ARHGAP23: variants seen among roughly 807,000 people sequenced by gnomAD.
The protein encoded by ARHGAP23 is rho GTPase-activating protein 23.
Under a neutral mutation model 136.3 loss-of-function variants are expected in ARHGAP23, and 34 were observed. The ratio of observed to expected loss-of-function variants is 0.25; its 90% CI spans 0.19 to 0.33. The LOEUF is 0.33. Among genes scored for constraint, ARHGAP23 ranks in the 10% least tolerant of loss-of-function variants. ARHGAP23 has a pLI of 1.00. For missense variants in ARHGAP23, 1,808 were observed against 2,139.0 expected (o/e 0.85, Z 3.05); for synonymous variants, 832 against 920.5 (o/e 0.90, Z 1.74).
intron 1 of ARHGAP23, among the ~76,000 whole-genome samples, chr17:38,422,914 G>C (rs867860354): frequency 6.6e-6 from 1 of 152,302 alleles, no homozygotes; most frequent in Middle Eastern, 3.4e-3. Flanking sequence ...GATGTCTGGG[G>C]CTGTGGCCAG....
At chr17:38,452,433 T>C (rs78107101) in intron 1 of ARHGAP23, 131,723 of 152,098 alleles carry the variant, frequency 0.87, 57,590 homozygotes, top group East Asian at 0.99. Flanking sequence ...CTCAAAAAGG[T>C]CCAACCCTTA....
At chr17:38,500,953 G>A (rs2040505282) in intron 23 of ARHGAP23, 2 of 343,540 alleles carry the variant, frequency 5.8e-6, no homozygotes, top group Non-Finnish European at 1.1e-5. Flanking sequence ...AGTAGTTTGG[G>A]ACATTGGGCA....
At position 38,466,715 on chromosome 17, in the gene ARHGAP23, G is replaced by C; in HGVS notation, c.1032G>C (p.Glu344Asp). Reference sequence around the variant, plus strand: ...ATGCTTTGAGCCAGCTGGGCCAGGAGGGCTGGCACCGAGCTCGCTCAGATG... The same window carrying C: ...ATGCTTTGAGCCAGCTGGGCCAGGACGGCTGGCACCGAGCTCGCTCAGATG... ...SQDALSQLGQ[E>D]GWHRARSDDY... The change falls in exon 7 of 24, where the codon GAG (glutamate) becomes GAC (aspartate). Residue 344 changes from glutamate to aspartate, a missense_variant. Glu to Asp is a conservative substitution (Grantham distance 45). Coordinates refer to ENST00000622683, the MANE Select transcript of ARHGAP23 (RefSeq NM_001199417.2). The C allele has an allele frequency of 6.5e-7, 1 of 1,537,348 alleles. No homozygotes were observed. The highest frequency in any genetic ancestry group is 8.8e-7 in the Non-Finnish European group (1 of 1,140,948).
At chr17:38,498,868 C>T (rs1304102410) in intron 22 of ARHGAP23, 10 of 697,718 alleles carry the variant, frequency 1.4e-5, no homozygotes, top group Admixed American at 6.1e-5. Flanking sequence ...CCCGCCTCTC[C>T]CTCCTCTTCT....
chr17:38,469,302 G>A lies in ARHGAP23; in HGVS notation c.1804+3G>A. The A allele has an allele frequency of 6.5e-7, 1 of 1,549,186 alleles. No individual in the cohort carries two copies. The highest frequency in any genetic ancestry group is 1.2e-5 in the South Asian group (1 of 83,598). ...ACGCCATTACTCGCAGGACTGCAGTGAGCACTCCCCACACCCCCAGCCCCA... is the reference window on the plus strand; with the variant it reads ...ACGCCATTACTCGCAGGACTGCAGTAAGCACTCCCCACACCCCCAGCCCCA... On this transcript the variant is annotated splice_donor_region_variant and intron_variant, in intron 8 of 23. Transcript: ENST00000622683.
At chr17:38,500,752 A>G in intron 23 of ARHGAP23, 124 bp downstream of exon 23, 1 of 924,280 alleles carries the variant, frequency 1.1e-6, no homozygotes, top group Non-Finnish European at 1.7e-6. Flanking sequence ...CCTGGGAGGG[A>G]AGGCAGGAGG....
At chr17:38,484,534 G>T (rs1204248298) in intron 16 of ARHGAP23, among the ~76,000 whole-genome samples, 3 of 152,184 alleles carry the variant, frequency 2.0e-5, no homozygotes, top group African/African-American at 7.2e-5. Context: ...GACAGAAGGA[G>T]AGGGCCGCCA....
Position 38,510,612 on chromosome 17 carries a change from G to T in ARHGAP23, c.4116G>T (p.Leu1372=). ...LASRPSRMEA[L]RLRLRGTADD... ...CCCGGCCCTCGCGCATGGAGGCGCT[G>T]CGTCTAAGGCTCCGCGGCACGGCGG... Residue 1372 remains leucine, a synonymous_variant, in exon 24 of 24, where the codon CTG becomes CTT. Transcript: ENST00000622683. This position sits in a 1 kb window ranked among gnomAD's most constrained non-coding sequence, Gnocchi z 4.6. 2 of 1,289,718 alleles carry T rather than the reference G, an allele frequency of 1.6e-6. No homozygotes were observed. Among genetic ancestry groups the T allele is most frequent in the African/African-American group, 1.6e-5 (1 of 64,096 alleles). The allele number at this position is 1,289,718 out of a possible 1,614,324, so 79.9% of individuals were successfully genotyped here. A position where few individuals can be genotyped will look rare whatever the true frequency, so the allele number is the denominator to read the frequency against.
At chr17:38,429,458 G>T (rs1455653443) in intron 1 of ARHGAP23, among the ~76,000 whole-genome samples, 1 of 152,234 alleles carries the variant, frequency 6.6e-6, no homozygotes, top group Non-Finnish European at 1.5e-5. Context: ...AATTCCCCGG[G>T]GTCCAGGTTG....
At chr17:38,451,500 C>T (rs1043518556) in intron 1 of ARHGAP23, 5 of 152,300 alleles carry the variant, frequency 3.3e-5, no homozygotes, top group Non-Finnish European at 7.3e-5. Context: ...TCTGGGCACA[C>T]AGCAGCACCT....
At chr17:38,435,621 G>A (rs998132986) in intron 1 of ARHGAP23, among the ~76,000 whole-genome samples, 2 of 152,150 alleles carry the variant, frequency 1.3e-5, no homozygotes, top group Admixed American at 6.5e-5. Flanking sequence ...TGTTGTTTTC[G>A]AGACAGAGTC....
intron 2 of ARHGAP23, among the ~76,000 whole-genome samples, chr17:38,459,170 C>T (rs891847086): frequency 9.9e-5 from 15 of 152,162 alleles, no homozygotes; most frequent in Admixed American, 1.3e-4. Flanking sequence ...TCCCTAGGAC[C>T]GGGATCTGCC....
At chr17:38,471,759 A>G (rs1314973218) in intron 10 of ARHGAP23, 104 bp from the exon 11 acceptor site, 2 of 1,338,654 alleles carry the variant, frequency 1.5e-6, no homozygotes, top group East Asian at 5.1e-5. Context: ...GGGGTGTAGC[A>G]CAGACATATA....
intron 1 of ARHGAP23, among the ~76,000 whole-genome samples, chr17:38,434,689 C>T (rs1478734766): frequency 2.0e-5 from 3 of 152,244 alleles, no homozygotes; most frequent in Non-Finnish European, 4.4e-5. Flanking sequence ...TAGGCAGGGG[C>T]CGAGTTCATT....
At chr17:38,503,493 C>G (rs2040564838) in intron 23 of ARHGAP23, among the ~76,000 whole-genome samples, 1 of 152,228 alleles carries the variant, frequency 6.6e-6, no homozygotes, top group African/African-American at 2.4e-5. Flanking sequence ...GCAGCCGTGC[C>G]CCGCCCCTTT....
chr17:38,498,913 TC>T lies in ARHGAP23; in HGVS notation c.3415+408del, dbSNP rs775140338. On this transcript the variant is annotated intron_variant, in intron 22 of 23. Coordinates refer to ENST00000622683, the MANE Select transcript of ARHGAP23 (RefSeq NM_001199417.2). The stretch of plus-strand genomic sequence containing the variant: ...CTCCTCCCACCCCCTTCTCTTCTCC[TC>T]CCCCTCCCCTCCTCCAGCGGACCTG... 4.8e-5 allele frequency: 24 copies of T among 502,852 alleles called. No homozygotes were observed. In the East Asian group the frequency reaches 1.0e-3, roughly 22 times the overall value. The allele number at this position is 502,852 out of a possible 1,614,324, so 31.1% of individuals were successfully genotyped here.
intron 1 of ARHGAP23, among the ~76,000 whole-genome samples, chr17:38,446,714 C>T (rs191497562): frequency 5.3e-5 from 8 of 151,522 alleles, no homozygotes; most frequent in East Asian, 1.9e-4. Context: ...CTGGTTCAAG[C>T]GATTCTCCTG....
At chr17:38,465,736 A>G (rs988804089) in intron 6 of ARHGAP23, among the ~76,000 whole-genome samples, 1 of 148,282 alleles carries the variant, frequency 6.7e-6, no homozygotes, top group African/African-American at 2.5e-5. Context: ...ACCCAGACAC[A>G]CCCCTAGCCG....
Position 38,440,165 on chromosome 17 carries a change from C to T in ARHGAP23, c.63+11617C>T, listed in dbSNP as rs1023007971. Among the ~76,000 whole-genome samples, 33 of 152,256 alleles carry T rather than the reference C, an allele frequency of 2.2e-4. 1 individual carries two copies. The South Asian group carries it at 2.9e-3, about 13-fold the overall frequency. On this transcript the variant is annotated intron_variant, in intron 1 of 23. Transcript: ENST00000622683. Reference sequence around the variant, plus strand: ...TCCCGAGTAGCTGGAACTATAGGCACGCACCACTGCATCTGGCTAATTTTT... The same window carrying T: ...TCCCGAGTAGCTGGAACTATAGGCATGCACCACTGCATCTGGCTAATTTTT...
Sources: gnomAD v4.1 joint callset for allele counts (sites outside exome capture counted in the v4.1 genomes callset) on GRCh38, gnomAD v4.1.1 for gene constraint, Gnocchi (gnomAD v3.1) non-coding constraint, MANE v1.5 for transcripts, NCBI Gene and HGNC (gene_info 2026-07-23, HGNC 2026-07-21) for gene names.